Variants in ARHGAP6 observed in about 807,000 individuals in gnomAD.
The protein encoded by ARHGAP6 is Rho GTPase activating protein 6.
A neutral mutation model predicts 55.7 loss-of-function variants in ARHGAP6; 16 were observed. The ratio of observed to expected loss-of-function variants is 0.29; its 90% confidence interval spans 0.19 to 0.44. The LOEUF (loss-of-function observed/expected upper bound fraction) is 0.44, where lower values mean the gene tolerates loss of function less well. Ranked by LOEUF, ARHGAP6 falls within the 20% of genes least tolerant of loss-of-function variation. The pLI is 1.00. For synonymous variants in ARHGAP6, 382 were observed against 360.9 expected, an observed-to-expected ratio of 1.06 and a Z score of -0.66; for missense variants, 698 against 808.9, an observed-to-expected ratio of 0.86 and a Z score of 1.66.
chrX:11,363,709 C>T (rs949741450), intron 1 of ARHGAP6, among the ~76,000 whole-genome samples: 1 of 111,945 alleles, frequency 8.9e-6, no homozygotes, highest in African/African-American at 3.2e-5. Context: ...GACAGAAGTC[C>T]ACTGAACTTG....
intron 2 of ARHGAP6, among the ~76,000 whole-genome samples, chrX:11,240,947 G>A (rs1438698220): frequency 3.8e-5 from 4 of 105,090 alleles, no homozygotes; most frequent in Admixed American, 3.1e-4. Flanking sequence ...GGGTGGGGTG[G>A]GGTGGGGTGG....
chrX:11,569,048 G>C (rs763504407), intron 1 of ARHGAP6, among the ~76,000 whole-genome samples: 11 of 112,019 alleles, frequency 9.8e-5, no homozygotes, highest in Non-Finnish European at 2.1e-4. Context: ...GTACAGGTGA[G>C]CTTTGAGCAG....
At chrX:11,365,237 GAGA>G (rs1253943425) in intron 1 of ARHGAP6, among the ~76,000 whole-genome samples, 1 of 112,180 alleles carries the variant, frequency 8.9e-6, no homozygotes, top group Non-Finnish European at 1.9e-5. Context: ...AGCCTGCAGA[GAGA>G]AGGACCCAAC....
intron 2 of ARHGAP6, among the ~76,000 whole-genome samples, chrX:11,216,096 T>C (rs1196010312): frequency 1.8e-5 from 2 of 110,399 alleles, no homozygotes. Context: ...TCCCAGTGAT[T>C]CCATGTATAG....
intron 2 of ARHGAP6, among the ~76,000 whole-genome samples, chrX:11,215,854 C>T (rs1334067110): frequency 8.9e-6 from 1 of 112,495 alleles, no homozygotes; most frequent in Non-Finnish European, 1.9e-5. Flanking sequence ...CCCTATGTTG[C>T]TTTGGAGTTC....
At chrX:11,600,277 A>G (rs747515637) in intron 1 of ARHGAP6, among the ~76,000 whole-genome samples, 7 of 112,271 alleles carry the variant, frequency 6.2e-5, no homozygotes, top group Non-Finnish European at 1.3e-4. Flanking sequence ...CTGGATGGTA[A>G]CACACCAGAT....
At chrX:11,518,802 AG>A (rs1212675624) in intron 1 of ARHGAP6, among the ~76,000 whole-genome samples, 1 of 56,795 alleles carries the variant, frequency 1.8e-5, no homozygotes, top group African/African-American at 7.3e-5. Context: ...ACCCCACCAC[AG>A]TCCCCAGAGT....
chrX:11,142,587 A>G (rs1264860721), intron 11 of ARHGAP6: 2 of 143,690 alleles, frequency 1.4e-5, no homozygotes, highest in Non-Finnish European at 2.8e-5. Flanking sequence ...GTTATTTTCG[A>G]AAAGGGCTTT....
At position 11,534,581 on chromosome X, in the gene ARHGAP6, G is replaced by A. The variant is rs369648046; in HGVS notation, c.588+129660C>T. ...GACATTACCAACTGTCTTCTCGGGGGCAAAATCATCCCCCTTTGAGAACCA... is the reference window on the plus strand; with the variant it reads ...GACATTACCAACTGTCTTCTCGGGGACAAAATCATCCCCCTTTGAGAACCA... On this transcript the variant is annotated intron_variant, in intron 1 of 12. Coordinates refer to ENST00000337414, the MANE Select transcript of ARHGAP6 (RefSeq NM_013427.3). Among the ~76,000 whole-genome samples, 12 of 109,540 alleles carry A rather than the reference G, an allele frequency of 1.1e-4. No individual in the cohort carries two copies. The South Asian group carries it at 5.0e-3, about 46-fold the overall frequency.
intron 1 of ARHGAP6, among the ~76,000 whole-genome samples, chrX:11,624,356 A>G (rs1404483407): frequency 1.8e-5 from 2 of 112,504 alleles, no homozygotes; most frequent in Non-Finnish European, 3.7e-5. Context: ...TCAGGCAACC[A>G]AAGCAAAAAT....
At chrX:11,397,719 T>C (rs1406475321) in intron 1 of ARHGAP6, among the ~76,000 whole-genome samples, 2 of 110,486 alleles carry the variant, frequency 1.8e-5, no homozygotes, top group Non-Finnish European at 3.8e-5. Flanking sequence ...CTACAAAAAA[T>C]ACAAACACAA....
chrX:11,458,915 A>C (rs1051554806), intron 1 of ARHGAP6, among the ~76,000 whole-genome samples: 1 of 111,164 alleles, frequency 9.0e-6, no homozygotes, highest in African/African-American at 3.3e-5. Flanking sequence ...AGGGTAGGGA[A>C]ACATCAGGAA....
intron 1 of ARHGAP6, among the ~76,000 whole-genome samples, chrX:11,498,938 T>C (rs904445571): frequency 8.9e-6 from 1 of 111,753 alleles, no homozygotes; most frequent in Non-Finnish European, 1.9e-5. Context: ...ATTGTACATA[T>C]TTATGAGGAG....
chrX:11,377,873 A>C (rs546860718), intron 1 of ARHGAP6, among the ~76,000 whole-genome samples: 47 of 111,720 alleles, frequency 4.2e-4, no homozygotes, highest in African/African-American at 1.5e-3. Flanking sequence ...CATAGATCTC[A>C]GATCTAGGAA....
chrX:11,524,756 A>C (rs1255613826), intron 1 of ARHGAP6, among the ~76,000 whole-genome samples: 2 of 110,999 alleles, frequency 1.8e-5, no homozygotes, highest in Non-Finnish European at 3.8e-5. Context: ...ATTACATTTA[A>C]TGTGCACCTT....
chrX:11,657,354 C>A (rs1490305763), intron 1 of ARHGAP6, among the ~76,000 whole-genome samples: 3 of 109,148 alleles, frequency 2.7e-5, no homozygotes, highest in African/African-American at 1.0e-4. Flanking sequence ...TGTAAGAACT[C>A]AGACACACTC....
rs759370566 is a variant in ARHGAP6 at position 11,416,006 on chromosome X, C to A, written c.589-161299G>T. Among the ~76,000 whole-genome samples, 6 of 112,158 alleles carry A rather than the reference C, an allele frequency of 5.3e-5. No individual in the cohort carries two copies. In the East Asian group the frequency reaches 1.7e-3, roughly 31 times the overall value. ...GCTAACTGATACAAACACACTTCTA[C>A]ATTTTAGACAACACAGCTATAAGGT... On this transcript the variant is annotated intron_variant, in intron 1 of 12. Transcript: ENST00000337414.
Position 11,465,505 on chromosome X carries a change from C to T in ARHGAP6, c.588+198736G>A, listed in dbSNP as rs765866035. On this transcript the variant is annotated intron_variant, in intron 1 of 12. Transcript: ENST00000337414. ...TTCATTTAACCCAAATATCCCAAATCGTATTTCAACATGGAATTGATGTAA... is the reference window on the plus strand; with the variant it reads ...TTCATTTAACCCAAATATCCCAAATTGTATTTCAACATGGAATTGATGTAA... Among the ~76,000 whole-genome samples the T allele has an allele frequency of 4.5e-5, 5 of 112,065 alleles. No individual in the cohort carries two copies. The South Asian group carries it at 1.5e-3, about 33-fold the overall frequency.
intron 1 of ARHGAP6, chrX:11,427,484 C>T: frequency 1.1e-6 from 1 of 926,810 alleles, no homozygotes; most frequent in Non-Finnish European, 1.4e-6. Flanking sequence ...TCGCCCCTCG[C>T]AGTCCCCACC....
Sources: allele counts gnomAD v4.1 joint callset (sites outside exome capture counted in the v4.1 genomes callset), GRCh38; gene constraint gnomAD v4.1.1; transcripts MANE v1.5; gene names NCBI Gene and HGNC (gene_info 2026-07-23, HGNC 2026-07-21).